Variants in ANGPT1 observed in about 807,000 individuals in gnomAD.
ANGPT1 encodes the protein angiopoietin-1.
A neutral mutation model predicts 62.2 loss-of-function variants in ANGPT1; 17 were observed. The observed-to-expected ratio is 0.27, with a 90% confidence interval of 0.19 to 0.41. The LOEUF is 0.41. Among genes scored for constraint, ANGPT1 ranks in the 10% least tolerant of loss-of-function variants. The pLI is 1.00. For missense variants in ANGPT1, 478 were observed against 594.9 expected, an observed-to-expected ratio of 0.80 and a Z score of 2.04; for synonymous variants, 199 against 198.9, an observed-to-expected ratio of 1.00 and a Z score of 0.00.
chr8:107,485,958 G>A (rs1812802137), intron 1 of ANGPT1, among the ~76,000 whole-genome samples: 1 of 152,212 alleles, frequency 6.6e-6, no homozygotes, highest in African/African-American at 2.4e-5. Flanking sequence ...ACACAGTAGG[G>A]ACTGCAGACG....
At chr8:107,429,648 G>GA (rs34291237) in intron 1 of ANGPT1, among the ~76,000 whole-genome samples, 372 of 119,094 alleles carry the variant, frequency 3.1e-3, no homozygotes, top group Middle Eastern at 8.5e-3. Context: ...GCTCCAGGAG[G>GA]AAAAAAAAAA....
At chr8:107,375,038 C>T (rs1654717) in intron 1 of ANGPT1, among the ~76,000 whole-genome samples, 135,934 of 151,726 alleles carry the variant, frequency 0.9, 61,039 homozygotes, top group East Asian at 0.99. Context: ...CACGCGCCTA[C>T]AGTCCCAGCT....
chr8:107,298,262 C>T (rs1246177715), intron 5 of ANGPT1, among the ~76,000 whole-genome samples: 1 of 151,830 alleles, frequency 6.6e-6, no homozygotes, highest in Non-Finnish European at 1.5e-5. Flanking sequence ...TTTTTCCATA[C>T]CATAAATGAA....
intron 1 of ANGPT1, among the ~76,000 whole-genome samples, chr8:107,348,827 T>C (rs1177635977): frequency 6.6e-6 from 1 of 152,104 alleles, no homozygotes; most frequent in Non-Finnish European, 1.5e-5. Context: ...ATGCTTCAGG[T>C]AGAGTTGTCC....
intron 8 of ANGPT1, among the ~76,000 whole-genome samples, chr8:107,254,144 A>AT (rs1177410137): frequency 2.6e-5 from 4 of 152,024 alleles, no homozygotes; most frequent in African/African-American, 9.7e-5. Context: ...TTGTTAACTG[A>AT]TTGACTCTCT....
intron 5 of ANGPT1, 102 bp from the exon 6 acceptor site, chr8:107,294,139 T>G: frequency 1.3e-6 from 1 of 767,272 alleles, no homozygotes; most frequent in Non-Finnish European, 2.0e-6. Context: ...GTCTGCAGAT[T>G]ACAAAAACCG....
At chr8:107,378,112 G>A (rs958069509) in intron 1 of ANGPT1, among the ~76,000 whole-genome samples, 1 of 152,172 alleles carries the variant, frequency 6.6e-6, no homozygotes, top group African/African-American at 2.4e-5. Context: ...AGCATTTGAA[G>A]CAGAATTCAG....
Position 107,251,769 on chromosome 8 carries a change from G to A in ANGPT1, c.*86C>T. On this transcript the variant is annotated 3_prime_UTR_variant, in exon 9 of 9. Coordinates refer to ENST00000517746, the MANE Select transcript of ANGPT1 (RefSeq NM_001146.5). ...TGCTGGAAGGGAGACAATATTGTTT[G>A]CTTCTGAAGTTTTCAAACAGTTTCT... 6.7e-7 allele frequency: 1 copy of A among 1,492,470 alleles called. No individual in the cohort carries two copies. Among genetic ancestry groups the A allele is most frequent in the Non-Finnish European group, 9.2e-7 (1 of 1,088,460 alleles). The allele number at this position is 1,492,470 out of a possible 1,614,324, so 92.5% of individuals were successfully genotyped here. A position where few individuals can be genotyped will look rare whatever the true frequency, so the allele number is the denominator to read the frequency against.
At chr8:107,288,240 C>A (rs946053414) in intron 6 of ANGPT1, among the ~76,000 whole-genome samples, 20 of 152,198 alleles carry the variant, frequency 1.3e-4, no homozygotes, top group African/African-American at 4.3e-4. Context: ...TTACAACCAA[C>A]TGATTTCAAT....
At chr8:107,299,662 G>T (rs1814518631) in intron 5 of ANGPT1, among the ~76,000 whole-genome samples, 1 of 133,146 alleles carries the variant, frequency 7.5e-6, no homozygotes, top group East Asian at 2.3e-4. Flanking sequence ...TCTATATATA[G>T]ACATATAGTT....
At chr8:107,385,205 G>A (rs1391516539) in intron 1 of ANGPT1, among the ~76,000 whole-genome samples, 2 of 151,666 alleles carry the variant, frequency 1.3e-5, no homozygotes, top group Admixed American at 6.6e-5. Context: ...GCCTTGCATC[G>A]GTAAATTGCT....
chr8:107,392,530 CA>C (rs750426422), intron 1 of ANGPT1, among the ~76,000 whole-genome samples: 7 of 152,104 alleles, frequency 4.6e-5, no homozygotes, highest in Non-Finnish European at 8.8e-5. Flanking sequence ...TTTTTCTCAT[CA>C]GTTTGCAGGC....
chr8:107,472,035 TA>T lies in ANGPT1; in HGVS notation c.297+25226del, dbSNP rs145130584. On this transcript the variant is annotated intron_variant, in intron 1 of 8. Transcript: ENST00000517746. ...GGCTCCTCTTGCTTTTTTGATGACCTAAACATTTTAGAGGAATACTTTATAG... is the reference window on the plus strand; with the variant it reads ...GGCTCCTCTTGCTTTTTTGATGACCTAACATTTTAGAGGAATACTTTATAG... Among the ~76,000 whole-genome samples, 906 of 152,184 alleles carry T rather than the reference TA, an allele frequency of 6.0e-3. 11 individuals are homozygous for T. The highest frequency in any genetic ancestry group is 0.021 in the African/African-American group (862 of 41,554).
At chr8:107,430,092 T>A (rs1467551829) in intron 1 of ANGPT1, among the ~76,000 whole-genome samples, 1 of 152,180 alleles carries the variant, frequency 6.6e-6, no homozygotes, top group Non-Finnish European at 1.5e-5. Context: ...GTGTGCTTTT[T>A]TTGTTTGTGT....
chr8:107,396,423 G>C (rs1354942188), intron 1 of ANGPT1, among the ~76,000 whole-genome samples: 1 of 151,472 alleles, frequency 6.6e-6, no homozygotes, highest in African/African-American at 2.4e-5. Context: ...CTTTAGAAAT[G>C]GGAAAAATAG....
intron 4 of ANGPT1, among the ~76,000 whole-genome samples, chr8:107,306,084 A>G (rs777775574): frequency 1.3e-5 from 2 of 152,092 alleles, no homozygotes; most frequent in African/African-American, 2.4e-5. Flanking sequence ...GTGAAGCATA[A>G]TAAGTACTCA....
chr8:107,297,167 A>G (rs1415857348), intron 5 of ANGPT1, among the ~76,000 whole-genome samples: 1 of 152,060 alleles, frequency 6.6e-6, no homozygotes, highest in Non-Finnish European at 1.5e-5. Flanking sequence ...GCAGATTACT[A>G]AGTTGGAAGC....
chr8:107,289,450 T>C (rs1030343058), intron 6 of ANGPT1, among the ~76,000 whole-genome samples: 3 of 152,122 alleles, frequency 2.0e-5, no homozygotes, highest in Non-Finnish European at 4.4e-5. Context: ...ATGTATTCCA[T>C]GGGTTGCATC....
In ANGPT1 at chr8:107,343,247, G is replaced by A. The variant is rs552376800; in HGVS notation, c.453+3695C>T. Among the ~76,000 whole-genome samples, 10 of 152,260 alleles carry A rather than the reference G, an allele frequency of 6.6e-5. No individual in the cohort carries two copies. The East Asian group carries it at 1.9e-3, about 29-fold the overall frequency. On this transcript the variant is annotated intron_variant, in intron 2 of 8. Coordinates refer to ENST00000517746, the MANE Select transcript of ANGPT1 (RefSeq NM_001146.5). Reference sequence around the variant, plus strand: ...TAAACATGCAGGAAATATATTAGGGGAAATGCCCACGAGGAAAAATTGGGA... The same window carrying A: ...TAAACATGCAGGAAATATATTAGGGAAAATGCCCACGAGGAAAAATTGGGA...
Sources: gnomAD v4.1 joint callset for allele counts (sites outside exome capture counted in the v4.1 genomes callset) on GRCh38, gnomAD v4.1.1 for gene constraint, MANE v1.5 for transcripts, NCBI Gene and HGNC (gene_info 2026-07-23, HGNC 2026-07-21) for gene names.